The following HPS5 variants were observed in gnomAD, a reference collection of about 807,000 sequenced individuals.
HPS5 encodes the protein HPS5 biogenesis of lysosomal organelles complex 2 subunit 2, also known as BLOC-2 complex member HPS5.
A neutral mutation model predicts 128.0 loss-of-function variants in HPS5; 83 were observed. The ratio of observed to expected loss-of-function variants is 0.65; its 90% CI spans 0.54 to 0.78. The LOEUF (loss-of-function observed/expected upper bound fraction) is 0.78. Ranked by LOEUF, HPS5 falls within the 30% of genes least tolerant of loss-of-function variation. The pLI, the probability that HPS5 is intolerant of heterozygous loss-of-function variation, is 0.00. For synonymous variants in HPS5, 475 were observed against 470.2 expected (o/e 1.01, Z -0.13); for missense variants, 1,281 against 1,326.2 (o/e 0.97, Z 0.53).
chr11:18,310,912 C>G lies in HPS5; in HGVS notation c.306G>C (p.Trp102Cys). ...TCCCACGACGCTCTTGATTTAATTC[C>G]CAAACAACCACAAGACCTTGACTGC... The part of the protein sequence containing the change: ...VATSQGLVVV[W>C]ELNQERRGKP... Residue 102 changes from tryptophan to cysteine, a missense_variant, in exon 5 of 23, where the codon TGG (tryptophan) becomes TGC (cysteine). By Grantham distance (215) the Trp-to-Cys change is radical (BLOSUM62 -2). Coordinates refer to ENST00000349215, the MANE Select transcript of HPS5 (RefSeq NM_181507.2). 1 of 1,614,062 alleles carries G rather than the reference C, an allele frequency of 6.2e-7. No homozygotes were observed. The highest frequency in any genetic ancestry group is 8.5e-7 in the Non-Finnish European group (1 of 1,179,984).
At chr11:18,306,385 C>T (rs753458048) in intron 6 of HPS5, 38 bp from the exon 7 acceptor site, 1 of 1,498,172 alleles carries the variant, frequency 6.7e-7, no homozygotes, top group Non-Finnish European at 9.2e-7. Flanking sequence ...GATTTACTTA[C>T]AAAAAAAAGT....
At chr11:18,293,078 G>A in intron 14 of HPS5, 102 bp from the exon 15 acceptor site, 1 of 889,310 alleles carries the variant, frequency 1.1e-6, no homozygotes, top group Non-Finnish European at 1.9e-6. Context: ...CTGCAGTGCA[G>A]TGACGTGATC....
rs1140047 is a variant in HPS5, at chr11:18,306,137, G to T, written c.822C>A (p.Leu274=). 1,141,082 of 1,597,472 alleles carry T rather than the reference G, an allele frequency of 0.71. 410,799 individuals are homozygous for T. The highest frequency in any genetic ancestry group is 0.96 in the East Asian group (43,153 of 44,802). ...LSLPPLPVIT[L]RSEPQYDHTA... is the part of the protein sequence containing the mutation. The stretch of plus-strand genomic sequence containing the variant: ...CAACCAGCCATACAAATCGTTACCT[G>T]AGAGTAATCACAGGGAGAGGTGGCA... The change falls in exon 7 of 23, where the codon CTC becomes CTA. Residue 274 remains leucine (L), a splice_region_variant and synonymous_variant. Coordinates refer to ENST00000349215, the MANE Select transcript of HPS5 (RefSeq NM_181507.2).
chr11:18,317,781 TGA>T lies in HPS5; in HGVS notation c.76_77del (p.Ala27ProfsTer59), dbSNP rs1424184470. The part of the protein sequence containing the change: ...AEFESLDPLL[S>X]ALRLDSSRLK... ...GACGACTGGAGTCCAGCCGCAGGGC[TGA>T]GAGTAATGGATCCAGAGATTCAAAC... is the stretch of plus-strand genomic sequence containing the variant. On this transcript the variant is annotated frameshift_variant, in exon 2 of 23. Coordinates refer to ENST00000349215, the MANE Select transcript of HPS5 (RefSeq NM_181507.2). LOFTEE classifies it high-confidence loss of function. 1 of 1,613,770 alleles carries T rather than the reference TGA, an allele frequency of 6.2e-7. No homozygotes were observed. The highest frequency in any genetic ancestry group is 1.1e-5 in the South Asian group (1 of 90,984).
chr11:18,319,255 C>CCACACA (rs10531816), intron 1 of HPS5, among the ~76,000 whole-genome samples: 16,881 of 138,988 alleles, frequency 0.12, 1,063 homozygotes, highest in African/African-American at 0.17. Context: ...AAGACAAATA[C>CCACACA]CACACACACA....
chr11:18,295,231 T>G, intron 13 of HPS5, 62 bp from the exon 14 acceptor site: 1 of 1,534,446 alleles, frequency 6.5e-7, no homozygotes. Flanking sequence ...AAACTCAGGT[T>G]TTCATTCTTC....
intron 6 of HPS5, among the ~76,000 whole-genome samples, chr11:18,307,749 C>A (rs1590123529): frequency 6.7e-6 from 1 of 149,076 alleles, no homozygotes; most frequent in Non-Finnish European, 1.5e-5. Flanking sequence ...AACAAAGAAA[C>A]AAAAAAAACC....
chr11:18,316,158 G>T (rs1158566010), intron 2 of HPS5, among the ~76,000 whole-genome samples: 1 of 152,104 alleles, frequency 6.6e-6, no homozygotes, highest in Non-Finnish European at 1.5e-5. Flanking sequence ...AGCCTGGCAT[G>T]GTATCGAGTA....
At chr11:18,320,949 T>TAC (rs1281012042) in intron 1 of HPS5, among the ~76,000 whole-genome samples, 1 of 152,242 alleles carries the variant, frequency 6.6e-6, no homozygotes, top group Non-Finnish European at 1.5e-5. Flanking sequence ...AGCCAGTAGC[T>TAC]ACATACAGTA....
Position 18,306,167 on chromosome 11 carries a change from G to A in HPS5, c.792C>T (p.Leu264=). 1.9e-6 allele frequency: 3 copies of A among 1,613,668 alleles called. No individual in the cohort carries two copies. Among genetic ancestry groups the A allele is most frequent in the Non-Finnish European group, 2.5e-6 (3 of 1,179,602 alleles). ...VISTHQFKKL[L]SLPPLPVITL... is the part of the protein sequence containing the mutation. Reference sequence around the variant, plus strand: ...TAATCACAGGGAGAGGTGGCAACGAGAGGAGTTTCTTGAACTGATGTGTAC... The same window carrying A: ...TAATCACAGGGAGAGGTGGCAACGAAAGGAGTTTCTTGAACTGATGTGTAC... Residue 264 remains leucine (L), a synonymous_variant, in exon 7 of 23, where the codon CTC becomes CTT. Coordinates refer to ENST00000349215, the MANE Select transcript of HPS5 (RefSeq NM_181507.2).
chr11:18,303,655 C>T (rs1861996243), intron 8 of HPS5, among the ~76,000 whole-genome samples: 1 of 152,086 alleles, frequency 6.6e-6, no homozygotes, highest in Non-Finnish European at 1.5e-5. Flanking sequence ...GAGTTCGAGA[C>T]CAGCCTGGGC....
At chr11:18,308,799 G>A in intron 6 of HPS5, 147 bp downstream of exon 6, 1 of 729,828 alleles carries the variant, frequency 1.4e-6, no homozygotes. Flanking sequence ...CTGAGTGACA[G>A]AGTGAGACCC....
In HPS5 at chr11:18,282,065, C is replaced by T. The variant is rs886048075; in HGVS notation, c.3214G>A (p.Ala1072Thr). ...GACCAAGCCCGATCTGGGCCCATGG[C>T]CTTAGCTAACAGAAGTGCCACATTC... ...VENVALLLAK[A>T]MGPDRAWSLL... Residue 1072 changes from alanine to threonine, a missense_variant, in exon 22 of 23, where the codon GCC becomes ACC. Physicochemically the swap from Ala to Thr is moderately conservative, Grantham distance 58 (BLOSUM62 0). Transcript: ENST00000349215. The T allele has an allele frequency of 2.0e-5, 33 of 1,614,100 alleles. No homozygotes were observed. The highest frequency in any genetic ancestry group is 2.8e-5 in the Non-Finnish European group (33 of 1,180,048).
Position 18,296,033 on chromosome 11 carries a change from A to G in HPS5, c.1600T>C (p.Ser534Pro), listed in dbSNP as rs2134326209. ...ACAGCCTGAAGAGACACAAGAGGAG[A>G]TGGAGAACGAAATGGTAATGGAATG... ...FGIPLPFRSP[S>P]PLVSLQAVKE... Residue 534 changes from serine to proline, a missense_variant, in exon 13 of 23, where the codon TCT (serine) becomes CCT (proline). Transcript: ENST00000349215. The G allele has an allele frequency of 6.2e-7, 1 of 1,613,870 alleles. No individual in the cohort carries two copies. Among genetic ancestry groups the G allele is most frequent in the Non-Finnish European group, 8.5e-7 (1 of 1,179,710 alleles).
rs145135349 is a variant in HPS5 at position 18,291,480 on chromosome 11, C to T, written c.2402G>A (p.Ser801Asn). 328 of 1,612,536 alleles carry T rather than the reference C, an allele frequency of 2.0e-4. 1 individual carries two copies. The African/African-American group carries it at 4.0e-3, about 20-fold the overall frequency. Reference protein sequence around the residue: ...KESIKLSYSNSPSVWDTFIEG... With the variant: ...KESIKLSYSNNPSVWDTFIEG... ...AATAAAAGTATCCCAAACAGAAGGG[C>T]TATTACTGTAACTAAGCTTGATACT... The change falls in exon 16 of 23, where the codon AGC (serine) becomes AAC (asparagine). Residue 801 changes from serine to asparagine, a missense_variant. By Grantham distance (46) the Ser-to-Asn change is conservative. Transcript: ENST00000349215.
Position 18,279,842 on chromosome 11 carries a change from T to C in HPS5, c.*40A>G. 6.3e-7 allele frequency: 1 copy of C among 1,589,588 alleles called. No individual in the cohort carries two copies. The highest frequency in any genetic ancestry group is 8.6e-7 in the Non-Finnish European group (1 of 1,157,658). On this transcript the variant is annotated 3_prime_UTR_variant, in exon 23 of 23. Coordinates refer to ENST00000349215, the MANE Select transcript of HPS5 (RefSeq NM_181507.2). The stretch of plus-strand genomic sequence containing the variant: ...GAAGGTTCAGGAGCATGATTTAGTT[T>C]TTCTCAAAATGTCATGACATCCTGC...
At chr11:18,316,610 T>C (rs752367616) in intron 2 of HPS5, among the ~76,000 whole-genome samples, 7 of 152,202 alleles carry the variant, frequency 4.6e-5, no homozygotes, top group African/African-American at 1.2e-4. Context: ...TATACCTCTA[T>C]GTAAAGTGTC....
chr11:18,292,107 T>C (rs927715445), intron 15 of HPS5, 88 bp from the exon 16 acceptor site: 14 of 940,444 alleles, frequency 1.5e-5, no homozygotes, highest in African/African-American at 1.3e-4. Context: ...ACCTAACCAA[T>C]GTAACATACT....
At chr11:18,289,246 G>A (rs1445487520) in intron 16 of HPS5, among the ~76,000 whole-genome samples, 2 of 152,276 alleles carry the variant, frequency 1.3e-5, no homozygotes, top group Admixed American at 6.5e-5. Flanking sequence ...CAGGCAATAA[G>A]TACTTTAAAG....
Sources: allele counts gnomAD v4.1 joint callset (sites outside exome capture counted in the v4.1 genomes callset), GRCh38; gene constraint gnomAD v4.1.1; transcripts MANE v1.5; gene names NCBI Gene and HGNC (gene_info 2026-07-23, HGNC 2026-07-21).